The following PCDH11X variants were observed in gnomAD, a reference collection of about 807,000 sequenced individuals.
The protein encoded by PCDH11X is protocadherin 11 X-linked.
PCDH11X carries 18 observed loss-of-function variants against 53.3 expected under a neutral mutation model. The ratio of observed to expected loss-of-function variants is 0.34; its 90% CI spans 0.23 to 0.50. PCDH11X has a LOEUF of 0.50. Among genes scored for constraint, PCDH11X ranks in the 20% least tolerant of loss-of-function variants. The pLI is 0.98. For synonymous variants in PCDH11X, 279 were observed against 393.3 expected, an observed-to-expected ratio of 0.71 and a Z score of 3.44; for missense variants, 570 against 1,032.4, an observed-to-expected ratio of 0.55 and a Z score of 6.14.
In PCDH11X at chrX:92,135,956, AT is replaced by A. The variant is rs1245284889; in HGVS notation, c.3034-65418del. On this transcript the variant is annotated intron_variant, in intron 6 of 10. Transcript: ENST00000682573. Reference sequence around the variant, plus strand: ...TTTAAAGATGACATATGCAAAAAAAATGTCATTATCTCTAAACAAAAATATT... The same window carrying A: ...TTTAAAGATGACATATGCAAAAAAAAGTCATTATCTCTAAACAAAAATATT... Among the ~76,000 whole-genome samples, 36 of 111,627 alleles carry A rather than the reference AT, an allele frequency of 3.2e-4. No individual in the cohort carries two copies. The East Asian group carries it at 5.9e-3, about 18-fold the overall frequency.
At chrX:91,937,018 G>A (rs1423251743) in intron 6 of PCDH11X, among the ~76,000 whole-genome samples, 2 of 109,805 alleles carry the variant, frequency 1.8e-5, no homozygotes, top group Non-Finnish European at 3.8e-5. Context: ...TAAGATTCTG[G>A]ATTGATATGC....
chrX:92,143,104 T>A (rs1251352505), intron 6 of PCDH11X, among the ~76,000 whole-genome samples: 2 of 111,239 alleles, frequency 1.8e-5, no homozygotes, highest in East Asian at 2.8e-4. Flanking sequence ...TAGTGAGACC[T>A]CTATCTGTTT....
At chrX:92,428,424 G>T (rs2755004) in intron 9 of PCDH11X, among the ~76,000 whole-genome samples, 1 of 111,054 alleles carries the variant, frequency 9.0e-6, no homozygotes, top group South Asian at 3.8e-4. Flanking sequence ...AAAAGTACCT[G>T]TTGTCATCAT....
intron 8 of PCDH11X, among the ~76,000 whole-genome samples, chrX:92,377,216 A>T (rs776725140): frequency 8.9e-6 from 1 of 111,791 alleles, no homozygotes; most frequent in South Asian, 3.7e-4. Flanking sequence ...CACCTCAGAA[A>T]TCAGAACTTT....
chrX:92,595,292 C>T (rs1334049759), intron 10 of PCDH11X, among the ~76,000 whole-genome samples: 1 of 110,098 alleles, frequency 9.1e-6, no homozygotes, highest in Non-Finnish European at 1.9e-5. Flanking sequence ...TATCTTGGCA[C>T]CTTGAGGTGA....
intron 10 of PCDH11X, among the ~76,000 whole-genome samples, chrX:92,579,021 A>G (rs1360947669): frequency 2.8e-5 from 3 of 108,825 alleles, no homozygotes; most frequent in South Asian, 8.1e-4. Context: ...GTTAGGCCAG[A>G]TAAGAAATTC....
rs192398757 is a variant in PCDH11X, at chrX:92,507,708, G to C, written c.3367+39386G>C. ...CTGGCCTTGAAATGAACAGGAAGAG[G>C]AAGCACTGCTTTGACCTAGCATGCT... On this transcript the variant is annotated intron_variant, in intron 10 of 10. Transcript: ENST00000682573. Among the ~76,000 whole-genome samples the C allele has an allele frequency of 6.3e-5, 7 of 111,849 alleles. No homozygotes were observed. The East Asian group carries it at 2.0e-3, about 31-fold the overall frequency.
intron 5 of PCDH11X, among the ~76,000 whole-genome samples, chrX:91,846,026 ATGTC>A (rs1373470928): frequency 1.8e-5 from 2 of 111,405 alleles, no homozygotes; most frequent in Non-Finnish European, 3.8e-5. Flanking sequence ...CATTGTAACT[ATGTC>A]TGGTGTTCTA....
At chrX:92,454,492 G>A (rs1420382156) in intron 9 of PCDH11X, among the ~76,000 whole-genome samples, 1 of 109,340 alleles carries the variant, frequency 9.1e-6, no homozygotes. Context: ...AACAGGCATA[G>A]TTAGCAAAAA....
chrX:92,579,311 G>T (rs916156519), intron 10 of PCDH11X, among the ~76,000 whole-genome samples: 2 of 110,034 alleles, frequency 1.8e-5, no homozygotes, highest in Non-Finnish European at 3.8e-5. Context: ...GGTTGGGGAA[G>T]TTCTTCTGGA....
chrX:92,245,439 C>T (rs2067331050), intron 7 of PCDH11X, among the ~76,000 whole-genome samples: 1 of 112,471 alleles, frequency 8.9e-6, no homozygotes, highest in Non-Finnish European at 1.9e-5. Flanking sequence ...CAAAATTATA[C>T]AATGATACCT....
At chrX:92,427,094 A>C (rs1170455643) in intron 9 of PCDH11X, among the ~76,000 whole-genome samples, 1 of 110,477 alleles carries the variant, frequency 9.1e-6, no homozygotes, top group Non-Finnish European at 1.9e-5. Flanking sequence ...TCAGCTTTAT[A>C]AAAAAATTTT....
At chrX:92,272,773 T>A (rs1348983762) in intron 8 of PCDH11X, among the ~76,000 whole-genome samples, 1 of 112,253 alleles carries the variant, frequency 8.9e-6, no homozygotes, top group Non-Finnish European at 1.9e-5. Context: ...TAGTGCTTGG[T>A]GATGAAGGTA....
chrX:92,506,183 C>CT (rs775917109), intron 10 of PCDH11X, among the ~76,000 whole-genome samples: 40 of 68,410 alleles, frequency 5.8e-4, no homozygotes, highest in South Asian at 3.0e-3. Flanking sequence ...ACATTATCCT[C>CT]TTTTTTTATT....
At chrX:92,508,917 G>A (rs5984974) in intron 10 of PCDH11X, among the ~76,000 whole-genome samples, 13,752 of 104,454 alleles carry the variant, frequency 0.13, 756 homozygotes, top group African/African-American at 0.22. Context: ...ATTCATATTG[G>A]CTATGAAAAC....
rs1405878773 is a variant in PCDH11X, at chrX:92,288,070, C to A, written c.3144+24927C>A. ...CCTGCAAAACTGTGAGCTGAATAAG[C>A]CTCTTTTCTTTATAAACTACCCAGT... On this transcript the variant is annotated intron_variant, in intron 8 of 10. Coordinates refer to ENST00000682573, the MANE Select transcript of PCDH11X (RefSeq NM_032968.5). The A allele has an allele frequency of 1.2e-5, 6 of 493,944 alleles. No individual in the cohort carries two copies. The East Asian group carries it at 1.8e-4, about 15-fold the overall frequency. 40.7% of individuals were successfully genotyped at this position (493,944 alleles called of 1,213,427 possible). A position where few individuals can be genotyped will look rare whatever the true frequency, so the allele number is the denominator to read the frequency against.
At chrX:91,841,031 C>G (rs1212388855) in intron 5 of PCDH11X, among the ~76,000 whole-genome samples, 1 of 110,060 alleles carries the variant, frequency 9.1e-6, no homozygotes, top group African/African-American at 3.3e-5. Flanking sequence ...TATTTTTGAT[C>G]TAATGTTAAA....
At chrX:92,109,708 C>G in intron 6 of PCDH11X, among the ~76,000 whole-genome samples, 1 of 112,174 alleles carries the variant, frequency 8.9e-6, no homozygotes, top group Middle Eastern at 4.6e-3. Flanking sequence ...TTTGTTAGTC[C>G]TACAAAGGCA....
At chrX:92,191,639 T>A (rs773063014) in intron 6 of PCDH11X, among the ~76,000 whole-genome samples, 1 of 112,576 alleles carries the variant, frequency 8.9e-6, no homozygotes, top group African/African-American at 3.2e-5. Flanking sequence ...GAATTGCAGT[T>A]ATTTAGGTTT....
Sources: gnomAD v4.1 joint callset for allele counts (sites outside exome capture counted in the v4.1 genomes callset) on GRCh38, gnomAD v4.1.1 for gene constraint, MANE v1.5 for transcripts, NCBI Gene and HGNC (gene_info 2026-07-23, HGNC 2026-07-21) for gene names.